LHFPL4: variants seen among roughly 807,000 people sequenced by gnomAD.
LHFPL4 encodes the protein LHFPL tetraspan subfamily member 4 protein.
In LHFPL4, 6 loss-of-function variants were observed where a neutral mutation model predicts 20.0. The observed-to-expected ratio is 0.30, with a 90% CI of 0.16 to 0.59. The LOEUF is 0.59. LHFPL4 is among the 20% of genes least tolerant of loss of function. The probability of loss-of-function intolerance (pLI) is 0.88; values close to 1 mark genes in which losing one functional copy is unlikely to be tolerated. For missense variants in LHFPL4, 215 were observed against 331.2 expected, an observed-to-expected ratio of 0.65 and a Z score of 2.72; for synonymous variants, 129 against 143.8, an observed-to-expected ratio of 0.90 and a Z score of 0.74.
At chr3:9,504,398 A>C (rs937215437) in intron 3 of LHFPL4, among the ~76,000 whole-genome samples, 1 of 143,872 alleles carries the variant, frequency 7.0e-6, no homozygotes, top group Non-Finnish European at 1.5e-5. Flanking sequence ...AAAAAAAAGG[A>C]CTCTAACGCT....
At chr3:9,542,650 T>G (rs1363340495) in intron 2 of LHFPL4, among the ~76,000 whole-genome samples, 1 of 151,228 alleles carries the variant, frequency 6.6e-6, no homozygotes, top group East Asian at 2.0e-4. Flanking sequence ...CTACCAAAGT[T>G]TTAAAAAAAT....
At chr3:9,515,668 C>T (rs1447471174) in intron 2 of LHFPL4, among the ~76,000 whole-genome samples, 3 of 151,736 alleles carry the variant, frequency 2.0e-5, no homozygotes, top group Admixed American at 1.3e-4. Context: ...TACCACATCC[C>T]GCCTCAAGAG....
At chr3:9,511,125 G>A (rs2046256594) in intron 2 of LHFPL4, among the ~76,000 whole-genome samples, 1 of 152,038 alleles carries the variant, frequency 6.6e-6, no homozygotes, top group Admixed American at 6.6e-5. Flanking sequence ...GCCGAGGCAG[G>A]TGGATCACGA....
At chr3:9,538,242 C>A (rs1475710075) in intron 2 of LHFPL4, among the ~76,000 whole-genome samples, 1 of 152,132 alleles carries the variant, frequency 6.6e-6, no homozygotes. Context: ...AGCAGCCTCC[C>A]AAGTCATCTT....
intron 2 of LHFPL4, among the ~76,000 whole-genome samples, chr3:9,521,446 G>C (rs1363798517): frequency 5.3e-5 from 8 of 151,272 alleles, no homozygotes; most frequent in Admixed American, 1.3e-4. Flanking sequence ...CTGCTGCTGG[G>C]GCTGGAGTGC....
rs769190390 is a variant in LHFPL4 at position 9,552,661 on chromosome 3, C to A, written c.19G>T (p.Ala7Ser). The A allele has an allele frequency of 4.4e-6, 7 of 1,594,876 alleles. No individual in the cohort carries two copies. The highest frequency in any genetic ancestry group is 5.1e-6 in the Non-Finnish European group (6 of 1,170,964). MLPSQE[A>S]SKLYHEHYMR... ...TAGTGCTCGTGGTAGAGCTTGGAGG[C>A]CTCCTGCGAGGGCAGCATGGTGCCC... The change falls in exon 2 of 4, where the codon GCC becomes TCC. Residue 7 changes from alanine (A) to serine (S), a missense_variant. Ala to Ser is a moderately conservative substitution (Grantham distance 99). Coordinates refer to ENST00000287585, the MANE Select transcript of LHFPL4 (RefSeq NM_198560.3).
intron 1 of LHFPL4, among the ~76,000 whole-genome samples, chr3:9,553,134 G>A (rs1297194000): frequency 6.6e-6 from 1 of 151,764 alleles, no homozygotes; most frequent in African/African-American, 2.4e-5. Context: ...AATTTAGGGA[G>A]CTCAGAAGGG....
chr3:9,508,843 C>T (rs561796292), intron 2 of LHFPL4, among the ~76,000 whole-genome samples: 1 of 152,136 alleles, frequency 6.6e-6, no homozygotes, highest in Non-Finnish European at 1.5e-5. Flanking sequence ...CTTTCCCAGG[C>T]GGGTGCGCTC....
At chr3:9,515,098 A>G (rs1343826130) in intron 2 of LHFPL4, among the ~76,000 whole-genome samples, 1 of 152,226 alleles carries the variant, frequency 6.6e-6, no homozygotes, top group African/African-American at 2.4e-5. Flanking sequence ...CCAAATGACT[A>G]TAGCATTTTG....
At chr3:9,514,177 C>T (rs144652107) in intron 2 of LHFPL4, among the ~76,000 whole-genome samples, 187 of 152,208 alleles carry the variant, frequency 1.2e-3, no homozygotes, top group African/African-American at 4.5e-3. Context: ...AGTGGTGGCT[C>T]ATGCCTGTAA....
intron 2 of LHFPL4, among the ~76,000 whole-genome samples, chr3:9,535,067 T>A (rs2046436823): frequency 6.6e-6 from 1 of 152,144 alleles, no homozygotes; most frequent in Non-Finnish European, 1.5e-5. Flanking sequence ...GGAATATAGC[T>A]CTTTCATACC....
intron 2 of LHFPL4, among the ~76,000 whole-genome samples, chr3:9,519,029 C>T (rs2046321356): frequency 6.6e-6 from 1 of 152,058 alleles, no homozygotes; most frequent in Non-Finnish European, 1.5e-5. Context: ...CCTCTGCCTC[C>T]TGGGTTCAAG....
chr3:9,531,692 T>C (rs147434924), intron 2 of LHFPL4, among the ~76,000 whole-genome samples: 1 of 151,968 alleles, frequency 6.6e-6, no homozygotes, highest in African/African-American at 2.4e-5. Flanking sequence ...TCACAGCTAC[T>C]TGGGAGACTG....
chr3:9,538,670 C>G (rs1462252003), intron 2 of LHFPL4, among the ~76,000 whole-genome samples: 2 of 151,604 alleles, frequency 1.3e-5, no homozygotes, highest in East Asian at 3.9e-4. Flanking sequence ...GTTGGTAACA[C>G]CACAGTCAGA....
At chr3:9,551,026 G>C (rs2046549646) in intron 2 of LHFPL4, 1 of 152,148 alleles carries the variant, frequency 6.6e-6, no homozygotes, top group African/African-American at 2.4e-5. Context: ...TTGATCTGGA[G>C]TGACTTCCAG....
At chr3:9,550,919 T>C (rs1268237701) in intron 2 of LHFPL4, 1 of 152,222 alleles carries the variant, frequency 6.6e-6, no homozygotes, top group African/African-American at 2.4e-5. Flanking sequence ...AAAAGTCCTC[T>C]TGTGGAAACA....
rs1376673370 is a variant in LHFPL4 at position 9,506,245 on chromosome 3, G to T, written c.407-42C>A. 2.0e-6 allele frequency: 3 copies of T among 1,515,040 alleles called. No individual in the cohort carries two copies. Among genetic ancestry groups the T allele is most frequent in the Non-Finnish European group, 2.8e-6 (3 of 1,090,644 alleles). The allele number at this position is 1,515,040 out of a possible 1,614,324, so 93.8% of individuals were successfully genotyped here. On this transcript the variant is annotated intron_variant, in intron 2 of 3. Coordinates refer to ENST00000287585, the MANE Select transcript of LHFPL4 (RefSeq NM_198560.3). The surrounding 1 kb of genome is among the most constrained non-coding windows in gnomAD (Gnocchi z 4.5). ...CGGGCCCACCACCACGGTCAGGAAG[G>T]AAGAGAAAAGACCATTACTCGCTAG... is the stretch of plus-strand genomic sequence containing the variant.
At chr3:9,542,254 C>G (rs923430559) in intron 2 of LHFPL4, among the ~76,000 whole-genome samples, 5 of 152,092 alleles carry the variant, frequency 3.3e-5, no homozygotes, top group Non-Finnish European at 7.4e-5. Context: ...CCACTGCACT[C>G]CAGCCTGGGC....
At chr3:9,520,084 TGCTATAA>T in intron 2 of LHFPL4, among the ~76,000 whole-genome samples, 1 of 152,166 alleles carries the variant, frequency 6.6e-6, no homozygotes, top group East Asian at 1.9e-4. Context: ...ATGCATTCTA[TGCTATAA>T]ATTTCCCTCT....
Sources: allele counts gnomAD v4.1 joint callset (sites outside exome capture counted in the v4.1 genomes callset), GRCh38; gene constraint gnomAD v4.1.1; non-coding constraint Gnocchi (gnomAD v3.1); transcripts MANE v1.5; gene names NCBI Gene and HGNC (gene_info 2026-07-23, HGNC 2026-07-21).